The following MTG1 variants were observed in gnomAD, a reference collection of about 807,000 sequenced individuals.
MTG1 encodes the protein mitochondrial ribosome associated GTPase 1.
Under a neutral mutation model 39.5 loss-of-function variants are expected in MTG1, and 30 were observed. That is an observed-to-expected ratio of 0.76 (90% CI 0.57 to 1.03). MTG1 has a LOEUF of 1.03. Among genes scored for constraint, MTG1 ranks in the 50% least tolerant of loss-of-function variants. The pLI, the probability that MTG1 is intolerant of heterozygous loss-of-function variation, is 0.00. For synonymous variants in MTG1, 217 were observed against 179.0 expected (o/e 1.21, Z -1.69); for missense variants, 513 against 447.4 (o/e 1.15, Z -1.32).
intron 2 of MTG1, 66 bp from the exon 3 acceptor site, chr10:133,396,097 G>C (rs1849779147): frequency 1.4e-6 from 2 of 1,446,716 alleles, no homozygotes; most frequent in African/African-American, 2.8e-5. Flanking sequence ...TTCGTTCACT[G>C]ATGGCAAGAA....
At chr10:133,419,787 T>C (rs1272793018) in intron 10 of MTG1, among the ~76,000 whole-genome samples, 195 bp downstream of exon 10, 2 of 152,120 alleles carry the variant, frequency 1.3e-5, no homozygotes, top group East Asian at 3.9e-4. Context: ...CTTCCGAGGG[T>C]GAGACCAGCC....
At chr10:133,396,412 G>T (rs898216772) in intron 3 of MTG1, 145 bp downstream of exon 3, 57 of 702,330 alleles carry the variant, frequency 8.1e-5, no homozygotes, top group Admixed American at 1.6e-4. Context: ...CTTTGCAGAA[G>T]CGTGCCAGCA....
rs1191938616 is a variant in MTG1 at position 133,399,869 on chromosome 10, C to T, written c.511+250C>T. On this transcript the variant is annotated intron_variant, in intron 6 of 10. Transcript: ENST00000317502. ...TTTAAAATCTTTAACATGAAGATGG[C>T]TTTTCTAAACTTTGATATTTGTTCA... is the stretch of plus-strand genomic sequence containing the variant. 4 of 455,506 alleles carry T rather than the reference C, an allele frequency of 8.8e-6. No homozygotes were observed. In the East Asian group the frequency reaches 1.5e-4, roughly 17 times the overall value. The allele number at this position is 455,506 out of a possible 1,614,324, so 28.2% of individuals were successfully genotyped here.
rs1849742657 is a variant in MTG1, at chr10:133,394,182, G to A, written c.-39G>A. On this transcript the variant is annotated 5_prime_UTR_variant, in exon 1 of 11. Coordinates refer to ENST00000317502, the MANE Select transcript of MTG1 (RefSeq NM_138384.4). ...AGAGGCGGGTCGCAGCGGCGCAGAG[G>A]AGGTCAGCTGCGGGAGCGTTTCCGG... 4.2e-6 allele frequency: 6 copies of A among 1,443,830 alleles called. No homozygotes were observed. The South Asian group carries it at 5.0e-5, about 12-fold the overall frequency. 89.4% of individuals were successfully genotyped at this position (1,443,830 alleles called of 1,614,324 possible).
chr10:133,398,942 A>C (rs1220723366), intron 4 of MTG1, among the ~76,000 whole-genome samples: 6 of 152,160 alleles, frequency 3.9e-5, no homozygotes, highest in African/African-American at 1.4e-4. Flanking sequence ...ACAGAACTCC[A>C]GTTTCCCAAC....
chr10:133,406,508 T>C (rs1478516981), intron 9 of MTG1, among the ~76,000 whole-genome samples: 1 of 152,000 alleles, frequency 6.6e-6, no homozygotes, highest in Non-Finnish European at 1.5e-5. Context: ...ATGTAAATTT[T>C]TTTACATTTG....
chr10:133,418,146 A>G (rs1283806062), intron 9 of MTG1, among the ~76,000 whole-genome samples: 1 of 152,176 alleles, frequency 6.6e-6, no homozygotes, highest in Non-Finnish European at 1.5e-5. Flanking sequence ...TGGGATTACA[A>G]GCATGTGCCA....
At chr10:133,410,983 C>G (rs139473307) in intron 9 of MTG1, among the ~76,000 whole-genome samples, 118 of 152,224 alleles carry the variant, frequency 7.8e-4, no homozygotes, top group African/African-American at 2.7e-3. Context: ...TTTTAGTCTT[C>G]ACACTAGAGA....
At chr10:133,399,389 G>A in intron 5 of MTG1, 140 bp from the exon 6 acceptor site, 1 of 1,184,294 alleles carries the variant, frequency 8.4e-7, no homozygotes, top group Non-Finnish European at 1.2e-6. Context: ...CGTCCCCGCT[G>A]GGTGGGCAGA....
chr10:133,403,728 G>C (rs1308319838), intron 9 of MTG1, among the ~76,000 whole-genome samples: 3 of 152,160 alleles, frequency 2.0e-5, no homozygotes, highest in Non-Finnish European at 4.4e-5. Flanking sequence ...AAGCTGCTGT[G>C]AACATTCATG....
chr10:133,394,346 G>A lies in MTG1; in HGVS notation c.112+14G>A. 2.0e-6 allele frequency: 3 copies of A among 1,487,920 alleles called. No individual in the cohort carries two copies. The highest frequency in any genetic ancestry group is 2.9e-5 in the East Asian group (1 of 34,532). The allele number at this position is 1,487,920 out of a possible 1,614,324, so 92.2% of individuals were successfully genotyped here. On this transcript the variant is annotated intron_variant, in intron 1 of 10. Transcript: ENST00000317502. Reference sequence around the variant, plus strand: ...ACATGGCCAAGGGTGAGGCACGGCGGGGAGGGGCAAGGTCATGCCTACGGC... The same window carrying A: ...ACATGGCCAAGGGTGAGGCACGGCGAGGAGGGGCAAGGTCATGCCTACGGC...
chr10:133,397,264 GCA>G (rs1285048497), intron 3 of MTG1, among the ~76,000 whole-genome samples: 1 of 152,096 alleles, frequency 6.6e-6, no homozygotes, highest in African/African-American at 2.4e-5. Context: ...TGGCTGCCAG[GCA>G]GGGAAGGGCC....
At position 133,402,782 on chromosome 10, in the gene MTG1, A is replaced by G. The variant is rs749334874; in HGVS notation, c.752+9A>G. ...AAACACCAGCGCTTTGGGTGAGTGC[A>G]GTGAATGCAGGGCAGCTGGGGCCCC... On this transcript the variant is annotated intron_variant, in intron 9 of 10. Coordinates refer to ENST00000317502, the MANE Select transcript of MTG1 (RefSeq NM_138384.4). The surrounding 1 kb of genome is among the most constrained non-coding windows in gnomAD (Gnocchi z 4.7). The G allele has an allele frequency of 1.3e-6, 2 of 1,592,054 alleles. No individual in the cohort carries two copies. Among genetic ancestry groups the G allele is most frequent in the East Asian group, 2.3e-5 (1 of 44,230 alleles).
Position 133,403,871 on chromosome 10 carries a change from T to TA in MTG1, c.752+1099dup, listed in dbSNP as rs1364654684. Among the ~76,000 whole-genome samples, 4 of 152,294 alleles carry TA rather than the reference T, an allele frequency of 2.6e-5. No individual in the cohort carries two copies. In the East Asian group the frequency reaches 7.7e-4, roughly 29 times the overall value. On this transcript the variant is annotated intron_variant, in intron 9 of 10. Coordinates refer to ENST00000317502, the MANE Select transcript of MTG1 (RefSeq NM_138384.4). ...CCGCCACATTGTTTTCCAAGGTAGT[T>TA]ACACTGTTTTATATGCTGGCAAGCA...
At position 133,396,151 on chromosome 10, in the gene MTG1, T is replaced by C; in HGVS notation, c.178-12T>C. ...TAAAGCTTTGGAGGAATTTTTACCT[T>C]AATTTTGCCACATCCCACTTTCAGG... On this transcript the variant is annotated splice_polypyrimidine_tract_variant and intron_variant, in intron 2 of 10. Coordinates refer to ENST00000317502, the MANE Select transcript of MTG1 (RefSeq NM_138384.4). 1 of 1,613,144 alleles carries C rather than the reference T, an allele frequency of 6.2e-7. No individual in the cohort carries two copies. Among genetic ancestry groups the C allele is most frequent in the Non-Finnish European group, 8.5e-7 (1 of 1,179,264 alleles).
chr10:133,404,314 A>G (rs1490398574), intron 9 of MTG1, among the ~76,000 whole-genome samples: 1 of 151,354 alleles, frequency 6.6e-6, no homozygotes, highest in East Asian at 1.9e-4. Flanking sequence ...TTTTGTAGAG[A>G]CAGGGTTTCC....
In MTG1 at chr10:133,396,226, G is replaced by A; in HGVS notation, c.241G>A (p.Val81Ile). 4 of 1,614,168 alleles carry A rather than the reference G, an allele frequency of 2.5e-6. No individual in the cohort carries two copies. Among genetic ancestry groups the A allele is most frequent in the Non-Finnish European group, 3.4e-6 (4 of 1,180,024 alleles). Residue 81 changes from valine to isoleucine, a missense_variant, in exon 3 of 11, where the codon GTC (valine) becomes ATC (isoleucine). Transcript: ENST00000317502. Reference sequence around the variant, plus strand: ...CCTTGGGCTTAAGCCTCACTTGCTGGTCCTCAACAAGATGGACTTGGCGGA... The same window carrying A: ...CCTTGGGCTTAAGCCTCACTTGCTGATCCTCAACAAGATGGACTTGGCGGA... ...ETLGLKPHLL[V>I]LNKMDLADLT...
At chr10:133,395,437 A>G (rs1303788091) in intron 1 of MTG1, among the ~76,000 whole-genome samples, 1 of 152,278 alleles carries the variant, frequency 6.6e-6, no homozygotes, top group Non-Finnish European at 1.5e-5. Flanking sequence ...TATTCCACCC[A>G]GAGTCAGCCA....
intron 1 of MTG1, chr10:133,394,888 C>G (rs41283337): frequency 3.3e-6 from 1 of 306,544 alleles, no homozygotes; most frequent in African/African-American, 2.3e-5. Context: ...TGCGTCGGCT[C>G]CGCGTGTACT....
Sources: allele counts gnomAD v4.1 joint callset (sites outside exome capture counted in the v4.1 genomes callset), GRCh38; gene constraint gnomAD v4.1.1; non-coding constraint Gnocchi (gnomAD v3.1); transcripts MANE v1.5; gene names NCBI Gene and HGNC (gene_info 2026-07-23, HGNC 2026-07-21).